The following EIF4G3 variants were observed in gnomAD, a reference collection of about 807,000 sequenced individuals.
EIF4G3 encodes eukaryotic translation initiation factor 4 gamma 3.
Under a neutral mutation model 186.4 loss-of-function variants are expected in EIF4G3, and 34 were observed. The ratio of observed to expected loss-of-function variants is 0.18; its 90% CI spans 0.14 to 0.24. The LOEUF is 0.24. Ranked by LOEUF, EIF4G3 falls within the 10% of genes least tolerant of loss-of-function variation. EIF4G3 has a pLI of 1.00. For synonymous variants in EIF4G3, 673 were observed against 679.5 expected (o/e 0.99, Z 0.15); for missense variants, 1,536 against 1,948.5 (o/e 0.79, Z 3.99).
chr1:21,076,887 G>A (rs2095605401), intron 3 of EIF4G3, among the ~76,000 whole-genome samples: 2 of 152,022 alleles, frequency 1.3e-5, no homozygotes, highest in Admixed American at 1.3e-4. Context: ...TCTGAAAAAA[G>A]ATTTTTCTTT....
intron 3 of EIF4G3, among the ~76,000 whole-genome samples, chr1:21,073,972 T>TTAG (rs2095514349): frequency 6.6e-6 from 1 of 152,188 alleles, no homozygotes; most frequent in African/African-American, 2.4e-5. Flanking sequence ...GTTTCTCTAT[T>TTAG]TCTAAACACT....
intron 20 of EIF4G3, among the ~76,000 whole-genome samples, chr1:20,866,253 T>C (rs1473107593): frequency 6.6e-6 from 1 of 152,196 alleles, no homozygotes; most frequent in South Asian, 2.1e-4. Context: ...CAGCTGTTGA[T>C]CAAGGCTGGA....
chr1:21,114,383 C>T (rs950194355), intron 2 of EIF4G3, among the ~76,000 whole-genome samples: 12 of 152,166 alleles, frequency 7.9e-5, no homozygotes, highest in African/African-American at 2.4e-4. Context: ...CCCGCCTCGG[C>T]CTCCCAAAGT....
At chr1:20,959,655 C>CAATAATAAT (rs61144464) in intron 12 of EIF4G3, among the ~76,000 whole-genome samples, 60 of 142,522 alleles carry the variant, frequency 4.2e-4, no homozygotes, top group Non-Finnish European at 5.9e-4. Context: ...AACAAATCAG[C>CAATAATAAT]AATAATAATA....
At chr1:21,066,991 A>T (rs1177057511) in intron 3 of EIF4G3, among the ~76,000 whole-genome samples, 1 of 152,164 alleles carries the variant, frequency 6.6e-6, no homozygotes, top group Non-Finnish European at 1.5e-5. Flanking sequence ...TATTATTTCT[A>T]CTGTTTTCTT....
intron 16 of EIF4G3, among the ~76,000 whole-genome samples, chr1:20,896,442 AAAAAAAAAAAG>A (rs1428801782): frequency 6.6e-6 from 1 of 151,218 alleles, no homozygotes; most frequent in African/African-American, 2.4e-5. Flanking sequence ...TCTCAAAAAA[AAAAAAAAAAAG>A]AAAAAGAAAA....
At chr1:20,831,102 G>T (rs899031763) in intron 30 of EIF4G3, among the ~76,000 whole-genome samples, 8 of 152,012 alleles carry the variant, frequency 5.3e-5, no homozygotes, top group Admixed American at 3.3e-4. Flanking sequence ...CTTTTCTTTG[G>T]GTGGAAGGAA....
intron 7 of EIF4G3, among the ~76,000 whole-genome samples, chr1:20,984,371 G>A (rs2078964227): frequency 6.6e-6 from 1 of 151,498 alleles, no homozygotes; most frequent in Admixed American, 6.6e-5. Context: ...TCACCATATT[G>A]GCCAGGCTGG....
chr1:21,150,953 G>T (rs752182732), intron 2 of EIF4G3, among the ~76,000 whole-genome samples: 1 of 152,138 alleles, frequency 6.6e-6, no homozygotes, highest in Non-Finnish European at 1.5e-5. Flanking sequence ...TCCAGGCTGG[G>T]CAACAGAGTG....
chr1:20,905,584 A>G (rs1409417110), intron 14 of EIF4G3, among the ~76,000 whole-genome samples: 1 of 152,172 alleles, frequency 6.6e-6, no homozygotes, highest in East Asian at 1.9e-4. Flanking sequence ...AAAATAGATA[A>G]TTTTTACTGA....
intron 3 of EIF4G3, among the ~76,000 whole-genome samples, chr1:21,072,322 C>T (rs1269016137): frequency 1.3e-5 from 2 of 152,076 alleles, no homozygotes; most frequent in Admixed American, 1.3e-4. Flanking sequence ...TTCCTTGAGC[C>T]CAGGAGTTTG....
At chr1:20,989,542 A>G (rs959940838) in intron 7 of EIF4G3, among the ~76,000 whole-genome samples, 2 of 127,400 alleles carry the variant, frequency 1.6e-5, no homozygotes, top group African/African-American at 3.0e-5. Context: ...GGATAACAAG[A>G]GCAAAACTCC....
At chr1:20,896,281 T>A (rs748339836) in intron 16 of EIF4G3, among the ~76,000 whole-genome samples, 8 of 151,270 alleles carry the variant, frequency 5.3e-5, no homozygotes, top group African/African-American at 1.2e-4. Flanking sequence ...AAAAAAATTT[T>A]AAAAAATTAG....
At chr1:21,003,393 A>C (rs1299530824) in intron 4 of EIF4G3, among the ~76,000 whole-genome samples, 1 of 152,120 alleles carries the variant, frequency 6.6e-6, no homozygotes, top group Non-Finnish European at 1.5e-5. Context: ...CTGGGACTAC[A>C]GGCAAGAGCT....
At chr1:21,022,780 G>A (rs1397866804) in intron 4 of EIF4G3, among the ~76,000 whole-genome samples, 1 of 152,210 alleles carries the variant, frequency 6.6e-6, no homozygotes, top group African/African-American at 2.4e-5. Context: ...AGTCTCTCCA[G>A]TTGACCTACA....
intron 2 of EIF4G3, among the ~76,000 whole-genome samples, chr1:21,097,330 G>T (rs966048523): frequency 2.0e-5 from 3 of 152,080 alleles, no homozygotes; most frequent in African/African-American, 4.8e-5. Flanking sequence ...GGTATCCCTA[G>T]GAAAAAGGAC....
At position 20,853,576 on chromosome 1, in the gene EIF4G3, G is replaced by T; in HGVS notation, c.3535C>A (p.Arg1179=). 1 of 1,612,892 alleles carries T rather than the reference G, an allele frequency of 6.2e-7. No individual in the cohort carries two copies. Among genetic ancestry groups the T allele is most frequent in the Non-Finnish European group, 8.5e-7 (1 of 1,179,022 alleles). Residue 1179 remains arginine, a synonymous_variant, in exon 27 of 37, where the codon CGA becomes AGA. Coordinates refer to ENST00000602326, the MANE Select transcript of EIF4G3 (RefSeq NM_001391906.1). The stretch of plus-strand genomic sequence containing the variant: ...GGTTCTCACCTAGTTAAGGTCCTTC[G>T]GGAATCAAACTCTACAGGCGTGGAT... ...TPSTPVEFDS[R]RTLTSRGSMG...
At chr1:20,950,420 G>A (rs1292625326) in intron 12 of EIF4G3, among the ~76,000 whole-genome samples, 1 of 152,044 alleles carries the variant, frequency 6.6e-6, no homozygotes, top group Non-Finnish European at 1.5e-5. Context: ...AGGACAAGCC[G>A]ACTTGTCAAC....
intron 12 of EIF4G3, 41 bp downstream of exon 12, chr1:20,969,433 T>C: frequency 6.2e-7 from 1 of 1,610,994 alleles, no homozygotes; most frequent in Non-Finnish European, 8.5e-7. Flanking sequence ...TAGAGGTTAG[T>C]GAACAAATAG....
Sources: allele counts gnomAD v4.1 joint callset (sites outside exome capture counted in the v4.1 genomes callset), GRCh38; gene constraint gnomAD v4.1.1; transcripts MANE v1.5; gene names NCBI Gene and HGNC (gene_info 2026-07-23, HGNC 2026-07-21).